The following DLC1 variants were observed in gnomAD, a reference collection of about 807,000 sequenced individuals.
DLC1 encodes rho GTPase-activating protein 7.
In DLC1, 54 loss-of-function variants were observed where a neutral mutation model predicts 140.3. That is an observed-to-expected ratio of 0.38 (90% CI 0.31 to 0.48). The LOEUF (loss-of-function observed/expected upper bound fraction) is 0.48, where lower values mean the gene tolerates loss of function less well. Among genes scored for constraint, DLC1 ranks in the 20% least tolerant of loss-of-function variants. DLC1 has a pLI of 0.96. For synonymous variants in DLC1, 986 were observed against 728.1 expected (o/e 1.35, Z -5.70); for missense variants, 2,536 against 1,907.0 (o/e 1.33, Z -6.14).
chr8:13,115,166 A>G (rs1820443199), intron 6 of DLC1, among the ~76,000 whole-genome samples: 1 of 152,230 alleles, frequency 6.6e-6, no homozygotes, highest in South Asian at 2.1e-4. Flanking sequence ...CAAATGCATA[A>G]CAGGCCCATA....
chr8:13,146,425 C>G (rs543206643), intron 5 of DLC1, among the ~76,000 whole-genome samples: 29 of 151,800 alleles, frequency 1.9e-4, no homozygotes, highest in African/African-American at 6.8e-4. Flanking sequence ...AACTAGTGAG[C>G]TAGTGATACT....
At chr8:13,327,510 GT>G (rs113838035) in intron 4 of DLC1, among the ~76,000 whole-genome samples, 1 of 149,924 alleles carries the variant, frequency 6.7e-6, no homozygotes, top group East Asian at 2.0e-4. Context: ...GGGGGTGGGG[GT>G]TTCTCATTAT....
intron 4 of DLC1, among the ~76,000 whole-genome samples, chr8:13,379,121 G>A (rs1384169659): frequency 2.6e-5 from 4 of 152,110 alleles, no homozygotes; most frequent in African/African-American, 9.7e-5. Flanking sequence ...CAGTATTTCT[G>A]AAATGTCAAG....
chr8:13,300,879 G>T (rs529649718), intron 5 of DLC1, among the ~76,000 whole-genome samples: 15 of 152,340 alleles, frequency 9.8e-5, no homozygotes, highest in Admixed American at 2.6e-4. Flanking sequence ...CTGGTGTAAT[G>T]ATTGGTTAAG....
At chr8:13,178,414 T>C (rs976150247) in intron 5 of DLC1, among the ~76,000 whole-genome samples, 1 of 151,726 alleles carries the variant, frequency 6.6e-6, no homozygotes, top group Non-Finnish European at 1.5e-5. Context: ...TACAAAAAAT[T>C]AGCCAGGCGT....
At chr8:13,163,817 G>C (rs143910315) in intron 5 of DLC1, among the ~76,000 whole-genome samples, 1 of 151,500 alleles carries the variant, frequency 6.6e-6, no homozygotes, top group Non-Finnish European at 1.5e-5. Context: ...ACACAAAAGG[G>C]AAAAAAAATG....
chr8:13,089,601 G>A (rs531994542), intron 15 of DLC1, among the ~76,000 whole-genome samples: 1 of 152,260 alleles, frequency 6.6e-6, no homozygotes, highest in African/African-American at 2.4e-5. Context: ...CTCCAGCCTG[G>A]GTGACAGAGC....
intron 2 of DLC1, among the ~76,000 whole-genome samples, chr8:13,454,685 G>T (rs1799308808): frequency 6.6e-6 from 1 of 152,142 alleles, no homozygotes; most frequent in African/African-American, 2.4e-5. Context: ...TGGCCAAGTA[G>T]CTGGAACTAT....
At chr8:13,143,846 G>GAGAGAGAGAGAGAGAGAGAC (rs1476183797) in intron 5 of DLC1, among the ~76,000 whole-genome samples, 52 of 148,374 alleles carry the variant, frequency 3.5e-4, no homozygotes, top group Non-Finnish European at 6.6e-4. Flanking sequence ...GAGAGAGAGA[G>GAGAGAGAGAGAGAGAGAGAC]AGAGAGACAT....
chr8:13,101,574 G>A (rs931642706), intron 8 of DLC1, among the ~76,000 whole-genome samples: 1 of 152,108 alleles, frequency 6.6e-6, no homozygotes. Context: ...GAGTAAAGGG[G>A]CCCTGGATCA....
At chr8:13,477,320 A>T (rs1307405647) in intron 2 of DLC1, among the ~76,000 whole-genome samples, 29 of 152,226 alleles carry the variant, frequency 1.9e-4, no homozygotes, top group Admixed American at 1.9e-3. Context: ...AGTGGAAGAC[A>T]CAGAAACAGT....
At chr8:13,436,647 A>G (rs1839134367) in intron 2 of DLC1, among the ~76,000 whole-genome samples, 1 of 152,164 alleles carries the variant, frequency 6.6e-6, no homozygotes. Flanking sequence ...AATGCAGAAA[A>G]CAGACGAACG....
At chr8:13,178,732 AAGAC>A (rs1200104638) in intron 5 of DLC1, among the ~76,000 whole-genome samples, 2 of 152,140 alleles carry the variant, frequency 1.3e-5, no homozygotes, top group Admixed American at 1.3e-4. Context: ...CAGTAGAAAA[AAGAC>A]AGATAATCCT....
intron 1 of DLC1, among the ~76,000 whole-genome samples, chr8:13,554,621 C>G (rs1422950115): frequency 6.6e-6 from 1 of 152,114 alleles, no homozygotes; most frequent in Non-Finnish European, 1.5e-5. Flanking sequence ...ACCTCATTCC[C>G]AAACCCTCTA....
intron 5 of DLC1, among the ~76,000 whole-genome samples, chr8:13,275,879 T>C (rs1831141747): frequency 6.6e-6 from 1 of 152,050 alleles, no homozygotes; most frequent in South Asian, 2.1e-4. Flanking sequence ...CAGCTTCAGC[T>C]CCAAAGCTGA....
At chr8:13,393,819 G>T in intron 3 of DLC1, 126 bp from the exon 4 acceptor site, 1 of 1,110,528 alleles carries the variant, frequency 9.0e-7, no homozygotes, top group Non-Finnish European at 1.3e-6. Context: ...AAGAGTTGCT[G>T]ACAACTGACA....
intron 5 of DLC1, among the ~76,000 whole-genome samples, chr8:13,174,494 G>T (rs28844905): frequency 0.076 from 11,585 of 152,104 alleles, 771 homozygotes; most frequent in African/African-American, 0.18. Context: ...ATTGTCTAAG[G>T]GTTTCCTTTT....
At chr8:13,436,855 G>A (rs749428679) in intron 2 of DLC1, among the ~76,000 whole-genome samples, 1 of 151,964 alleles carries the variant, frequency 6.6e-6, no homozygotes, top group Non-Finnish European at 1.5e-5. Context: ...CACATTTCAG[G>A]TCTTAAATAT....
intron 4 of DLC1, among the ~76,000 whole-genome samples, chr8:13,336,791 A>G (rs1833827718): frequency 6.6e-6 from 1 of 152,230 alleles, no homozygotes; most frequent in East Asian, 1.9e-4. Flanking sequence ...ATATATTAAT[A>G]GTATAATGTA....
Sources: allele counts gnomAD v4.1 joint callset (sites outside exome capture counted in the v4.1 genomes callset), GRCh38; gene constraint gnomAD v4.1.1; transcripts MANE v1.5; gene names NCBI Gene and HGNC (gene_info 2026-07-23, HGNC 2026-07-21).